The following HDX variants were observed in gnomAD, a reference collection of about 807,000 sequenced individuals.
HDX encodes highly divergent homeobox.
Under a neutral mutation model 45.2 loss-of-function variants are expected in HDX, and 19 were observed. The observed-to-expected ratio is 0.42, with a 90% CI of 0.29 to 0.62. The LOEUF (loss-of-function observed/expected upper bound fraction) is 0.62. Among genes scored for constraint, HDX ranks in the 20% least tolerant of loss-of-function variants. HDX has a pLI of 0.20. For missense variants in HDX, 532 were observed against 493.9 expected (o/e 1.08, Z -0.73); for synonymous variants, 188 against 172.8 (o/e 1.09, Z -0.69).
At chrX:84,497,711 G>GTA (rs2041033929) in intron 1 of HDX, among the ~76,000 whole-genome samples, 1 of 110,206 alleles carries the variant, frequency 9.1e-6, no homozygotes, top group Admixed American at 9.7e-5. Flanking sequence ...GTGTGTGTGT[G>GTA]TGTATGAATT....
At position 84,326,117 on chromosome X, in the gene HDX, G is replaced by A. The variant is rs2036704038; in HGVS notation, c.1947+61C>T. 20 of 1,089,445 alleles carry A rather than the reference G, an allele frequency of 1.8e-5. No individual in the cohort carries two copies. The South Asian group carries it at 3.4e-4, about 19-fold the overall frequency. 89.8% of individuals were successfully genotyped at this position (1,089,445 alleles called of 1,213,427 possible). ...AAATGAAAACATATGAAGAACCCAA[G>A]TGTGACATACCATTTTTTGACTTGA... On this transcript the variant is annotated intron_variant, in intron 10 of 10. Transcript: ENST00000373177.
intron 6 of HDX, 55 bp downstream of exon 6, chrX:84,361,411 C>T (rs1261409406): frequency 2.7e-6 from 3 of 1,097,565 alleles, no homozygotes; most frequent in Non-Finnish European, 3.7e-6. Context: ...GATTTTAAAG[C>T]TTTCATTTAT....
intron 9 of HDX, among the ~76,000 whole-genome samples, chrX:84,330,850 C>T (rs1003313619): frequency 5.4e-5 from 6 of 112,038 alleles, no homozygotes; most frequent in Admixed American, 9.5e-5. Context: ...CTTTGCAAGC[C>T]TATTAAATAC....
rs1289789400 is a variant in HDX, at chrX:84,321,772, G to A, written c.*117C>T. The A allele has an allele frequency of 2.8e-5, 15 of 537,935 alleles. No individual in the cohort carries two copies. The highest frequency in any genetic ancestry group is 2.1e-4 in the South Asian group (4 of 19,512). 44.3% of individuals were successfully genotyped at this position (537,935 alleles called of 1,213,427 possible). On this transcript the variant is annotated 3_prime_UTR_variant, in exon 11 of 11. Transcript: ENST00000373177. ...TGTACATTCTTCACAGAATACGTCC[G>A]TTTCAACAATGTGTTTTCCCAACTA...
intron 5 of HDX, among the ~76,000 whole-genome samples, chrX:84,378,810 T>C (rs1209317023): frequency 9.0e-6 from 1 of 111,285 alleles, no homozygotes; most frequent in Non-Finnish European, 1.9e-5. Flanking sequence ...TTATTGATAA[T>C]AACACTGAAT....
intron 9 of HDX, among the ~76,000 whole-genome samples, chrX:84,331,284 C>T (rs2036838090): frequency 1.8e-5 from 2 of 111,528 alleles, no homozygotes; most frequent in Non-Finnish European, 3.8e-5. Context: ...TGGATGGTTG[C>T]ATAGTAATAA....
chrX:84,487,331 G>T (rs923010713), intron 2 of HDX, among the ~76,000 whole-genome samples: 2 of 112,027 alleles, frequency 1.8e-5, no homozygotes, highest in African/African-American at 6.5e-5. Context: ...ATTGGTGTTG[G>T]CATCTCCTGT....
intron 10 of HDX, among the ~76,000 whole-genome samples, chrX:84,323,625 T>C (rs779712579): frequency 9.0e-6 from 1 of 111,475 alleles, no homozygotes; most frequent in East Asian, 2.8e-4. Flanking sequence ...ATGAGTGCAG[T>C]AAAAAATATA....
chrX:84,432,312 A>G (rs1398238320), intron 5 of HDX, among the ~76,000 whole-genome samples: 1 of 111,654 alleles, frequency 9.0e-6, no homozygotes, highest in Non-Finnish European at 1.9e-5. Context: ...TGCTTTGGCT[A>G]TTTGGGATCA....
intron 5 of HDX, among the ~76,000 whole-genome samples, chrX:84,432,425 G>A (rs1441029054): frequency 8.9e-6 from 1 of 111,824 alleles, no homozygotes; most frequent in African/African-American, 3.2e-5. Context: ...CTTTGGGCAG[G>A]TGGCCATTTT....
intron 5 of HDX, among the ~76,000 whole-genome samples, chrX:84,408,499 G>GTTTTTTTTTTTTTTTTT (rs1220751208): frequency 9.0e-5 from 4 of 44,440 alleles, no homozygotes; most frequent in Admixed American, 3.1e-4. Context: ...CTCCAGCTTT[G>GTTTTTTTTTTTTTTTTT]TTTTTTTTTT....
At chrX:84,363,958 T>G (rs751452275) in intron 5 of HDX, among the ~76,000 whole-genome samples, 1 of 111,495 alleles carries the variant, frequency 9.0e-6, no homozygotes, top group African/African-American at 3.3e-5. Flanking sequence ...AAGCTGAAAC[T>G]TTAGCCAGGT....
chrX:84,468,322 C>A, intron 4 of HDX, 150 bp downstream of exon 4: 1 of 365,276 alleles, frequency 2.7e-6, no homozygotes, highest in Non-Finnish European at 4.7e-6. Context: ...AAACAAAGAA[C>A]AAGATTCTTC....
chrX:84,345,467 C>G (rs2037180214), intron 6 of HDX, among the ~76,000 whole-genome samples: 1 of 111,343 alleles, frequency 9.0e-6, no homozygotes, highest in South Asian at 3.7e-4. Flanking sequence ...GTATCGAGCC[C>G]ATTCGTTTTT....
intron 2 of HDX, among the ~76,000 whole-genome samples, chrX:84,481,246 A>C (rs979169845): frequency 4.5e-5 from 5 of 111,068 alleles, no homozygotes; most frequent in Non-Finnish European, 9.5e-5. Context: ...TTATTTAGTG[A>C]TCTTTTAAAA....
chrX:84,380,372 A>C (rs1569306294), intron 5 of HDX, among the ~76,000 whole-genome samples: 2 of 110,718 alleles, frequency 1.8e-5, no homozygotes, highest in Non-Finnish European at 3.8e-5. Context: ...TCATTTTATG[A>C]AGTCAGTATT....
chrX:84,347,703 T>C (rs2037238645), intron 6 of HDX, among the ~76,000 whole-genome samples: 1 of 111,579 alleles, frequency 9.0e-6, no homozygotes, highest in African/African-American at 3.3e-5. Context: ...ATAATTTCAC[T>C]GAGTACAGAA....
chrX:84,358,635 G>A lies in HDX; in HGVS notation c.1452+2831C>T, dbSNP rs937826796. 4.5e-5 allele frequency among the ~76,000 whole-genome samples: 5 copies of A among 112,305 alleles called. No homozygotes were observed. In the East Asian group the frequency reaches 1.4e-3, roughly 31 times the overall value. On this transcript the variant is annotated intron_variant, in intron 6 of 10. Transcript: ENST00000373177. Reference sequence around the variant, plus strand: ...TCCATCTGGATTCTAACAAGAAAAAGCAAGACTCTGAACAGGGCAGTACTT... The same window carrying A: ...TCCATCTGGATTCTAACAAGAAAAAACAAGACTCTGAACAGGGCAGTACTT...
At chrX:84,354,906 C>CAT (rs201172786) in intron 6 of HDX, among the ~76,000 whole-genome samples, 42 of 83,136 alleles carry the variant, frequency 5.1e-4, no homozygotes, top group South Asian at 6.2e-4. Flanking sequence ...AATAAAGAGA[C>CAT]ATATATATAT....
Sources: gnomAD v4.1 joint callset for allele counts (sites outside exome capture counted in the v4.1 genomes callset) on GRCh38, gnomAD v4.1.1 for gene constraint, MANE v1.5 for transcripts, NCBI Gene and HGNC (gene_info 2026-07-23, HGNC 2026-07-21) for gene names.